DENND5A: variants seen among roughly 807,000 people sequenced by gnomAD.
DENND5A encodes DENN domain containing 5A, also known as DENN domain-containing protein 5A.
DENND5A carries 64 observed loss-of-function variants against 140.3 expected under a neutral mutation model. The observed-to-expected ratio is 0.46, with a 90% confidence interval of 0.37 to 0.56. The LOEUF is 0.56. Among genes scored for constraint, DENND5A ranks in the 20% least tolerant of loss-of-function variants. DENND5A has a pLI of 0.00. For synonymous variants in DENND5A, 605 were observed against 607.7 expected (o/e 1.00, Z 0.07); for missense variants, 1,292 against 1,593.8 (o/e 0.81, Z 3.22).
chr11:9,166,034 G>A, intron 10 of DENND5A, 67 bp from the exon 11 acceptor site: 2 of 1,476,896 alleles, frequency 1.4e-6, no homozygotes, highest in African/African-American at 1.4e-5. Flanking sequence ...AGCAGTACTG[G>A]TGGGTGCCTG....
Position 9,145,775 on chromosome 11 carries a change from C to G in DENND5A, c.2898G>C (p.Leu966=). ...YHILIVPSKK[L]GGSMFTANPW... ...GGTTGGCAGTGAACATGGAGCCCCC[C>G]AGCTTCTTGCTTGGTACGATCAGAA... The change falls in exon 17 of 23, where the codon CTG becomes CTC. Residue 966 remains leucine (L), a synonymous_variant. Coordinates refer to ENST00000328194, the MANE Select transcript of DENND5A (RefSeq NM_015213.4). 1 of 1,614,186 alleles carries G rather than the reference C, an allele frequency of 6.2e-7. No homozygotes were observed. The highest frequency in any genetic ancestry group is 8.5e-7 in the Non-Finnish European group (1 of 1,180,032).
In DENND5A at chr11:9,178,185, G is replaced by A. The variant is rs1348369106; in HGVS notation, c.1853C>T (p.Thr618Ile). 4 of 1,614,118 alleles carry A rather than the reference G, an allele frequency of 2.5e-6. No individual in the cohort carries two copies. The South Asian group carries it at 4.4e-5, about 18-fold the overall frequency. ...VDKIRLLNVR[T>I]PTLRTSMYQK... ...GTACATGGATGTACGGAGAGTAGGT[G>A]TCCGAACATTCAACAGCCTGATCTT... The change falls in exon 8 of 23, where the codon ACA becomes ATA. Residue 618 changes from threonine (T) to isoleucine (I), a missense_variant. Around this residue, in one of 4 missense-constraint regions of DENND5A, gnomAD observed 199 missense variants for 189.1 expected, o/e 1.05. Coordinates refer to ENST00000328194, the MANE Select transcript of DENND5A (RefSeq NM_015213.4).
At chr11:9,170,048 G>T in intron 9 of DENND5A, 99 bp from the exon 10 acceptor site, 2 of 951,328 alleles carry the variant, frequency 2.1e-6, no homozygotes, top group Non-Finnish European at 1.7e-6. Context: ...AGTCAATGCT[G>T]GACACAGGAA....
chr11:9,229,899 C>CTTTTTTTTTTTTTTTTTTTTTTTTTTT (rs71062816), intron 1 of DENND5A, among the ~76,000 whole-genome samples: 2 of 64,902 alleles, frequency 3.1e-5, no homozygotes. Flanking sequence ...GCTCCCATTT[C>CTTTTTTTTTTTTTTTTTTTTTTTTTTT]TTTTTTTTTT....
At chr11:9,166,598 C>T (rs974836512) in intron 10 of DENND5A, among the ~76,000 whole-genome samples, 2 of 152,018 alleles carry the variant, frequency 1.3e-5, no homozygotes, top group African/African-American at 4.8e-5. Flanking sequence ...CTTTGGGAGG[C>T]TGAGGTGGGT....
At chr11:9,150,048 A>G (rs1171323095) in intron 15 of DENND5A, 33 bp downstream of exon 15, 1 of 1,589,048 alleles carries the variant, frequency 6.3e-7, no homozygotes, top group Non-Finnish European at 8.6e-7. Flanking sequence ...CATTCCTGGG[A>G]GCCTGCTTCT....
In DENND5A at chr11:9,170,795, C is replaced by T. The variant is rs368978088; in HGVS notation, c.1907-18G>A. ...TGCTTTCTCTGGATGAGAATACACA[C>T]ACACACACACACACACACACACATA... is the stretch of plus-strand genomic sequence containing the variant. On this transcript the variant is annotated intron_variant, in intron 8 of 22. Transcript: ENST00000328194. The T allele has an allele frequency of 1.4e-5, 22 of 1,548,276 alleles. No individual in the cohort carries two copies. The African/African-American group carries it at 2.7e-4, about 19-fold the overall frequency.
intron 1 of DENND5A, among the ~76,000 whole-genome samples, chr11:9,237,311 T>G (rs1459412957): frequency 6.6e-6 from 1 of 152,062 alleles, no homozygotes; most frequent in Non-Finnish European, 1.5e-5. Context: ...TCCCAGCTAC[T>G]TGGGAGGCTG....
At chr11:9,154,585 T>A (rs1373822336) in intron 12 of DENND5A, among the ~76,000 whole-genome samples, 2 of 152,120 alleles carry the variant, frequency 1.3e-5, no homozygotes, top group Admixed American at 6.5e-5. Context: ...ATCAGCAAGC[T>A]GTCAAAATAA....
At chr11:9,170,946 T>C in intron 8 of DENND5A, 169 bp from the exon 9 acceptor site, 2 of 1,179,584 alleles carry the variant, frequency 1.7e-6, no homozygotes, top group South Asian at 3.3e-5. Context: ...TGCAAAATAA[T>C]ATAAAATGAT....
chr11:9,257,670 GAC>G (rs1852006752), intron 1 of DENND5A, among the ~76,000 whole-genome samples: 1 of 151,306 alleles, frequency 6.6e-6, no homozygotes, highest in East Asian at 2.0e-4. Context: ...TTTTAGTAGA[GAC>G]AGGGTTTCAC....
chr11:9,193,781 T>C, intron 4 of DENND5A, 100 bp from the exon 5 acceptor site: 1 of 1,038,080 alleles, frequency 9.6e-7, no homozygotes, highest in African/African-American at 1.6e-5. Flanking sequence ...CAATTTCTTA[T>C]TTAGAAACGA....
intron 1 of DENND5A, among the ~76,000 whole-genome samples, chr11:9,229,937 C>A (rs1471163374): frequency 1.9e-5 from 2 of 107,544 alleles, no homozygotes; most frequent in Admixed American, 2.9e-4. Flanking sequence ...GACAGTCTTG[C>A]TCTGTCACCC....
chr11:9,189,637 T>G (rs1849043370), intron 5 of DENND5A, among the ~76,000 whole-genome samples: 1 of 151,644 alleles, frequency 6.6e-6, no homozygotes, highest in African/African-American at 2.4e-5. Flanking sequence ...TTTTGGTTTT[T>G]TTGTTTGTTT....
intron 12 of DENND5A, among the ~76,000 whole-genome samples, chr11:9,157,950 C>G (rs973463601): frequency 6.6e-6 from 1 of 152,174 alleles, no homozygotes; most frequent in East Asian, 1.9e-4. Context: ...TTCTGACTCA[C>G]AGTTCATAGT....
At chr11:9,195,924 G>A (rs970982864) in intron 4 of DENND5A, among the ~76,000 whole-genome samples, 8 of 152,088 alleles carry the variant, frequency 5.3e-5, no homozygotes, top group African/African-American at 1.9e-4. Context: ...CTTTTAAATA[G>A]GGTGTAATGG....
chr11:9,261,779 A>G (rs1852212485), intron 1 of DENND5A, among the ~76,000 whole-genome samples: 1 of 149,408 alleles, frequency 6.7e-6, no homozygotes, highest in Non-Finnish European at 1.5e-5. Flanking sequence ...CTGTGTCTCA[A>G]AAAAAAAAAA....
rs1554925035 is a variant in DENND5A at position 9,203,861 on chromosome 11, C to T, written c.748G>A (p.Glu250Lys). Residue 250 changes from glutamate (E) to lysine (K), a missense_variant, in exon 4 of 23, where the codon GAG (glutamate) becomes AAG (lysine). Around this residue, in one of 4 missense-constraint regions of DENND5A, gnomAD observed 566 missense variants for 650.4 expected, o/e 0.87. Transcript: ENST00000328194. Reference protein sequence around the residue: ...LESYIYNVLYEVPLPPPGRSL... With the variant: ...LESYIYNVLYKVPLPPPGRSL... ...CGGCCAGGAGGTGGGAGCGGCACCT[C>T]GTAGAGTACGTTGTATATGTAGCTC... 6.2e-7 allele frequency: 1 copy of T among 1,614,120 alleles called. No homozygotes were observed. The highest frequency in any genetic ancestry group is 1.3e-5 in the African/African-American group (1 of 75,024).
At chr11:9,158,993 T>C (rs1266298013) in intron 12 of DENND5A, among the ~76,000 whole-genome samples, 2 of 152,160 alleles carry the variant, frequency 1.3e-5, no homozygotes, top group South Asian at 4.1e-4. Flanking sequence ...CCATATGCAT[T>C]AGTAGTCACT....
Sources: allele counts gnomAD v4.1 joint callset (sites outside exome capture counted in the v4.1 genomes callset), GRCh38; gene constraint gnomAD v4.1.1; regional missense constraint gnomAD v4.1.1; transcripts MANE v1.5; gene names NCBI Gene and HGNC (gene_info 2026-07-23, HGNC 2026-07-21).